ENTREP2: variants seen among roughly 807,000 people sequenced by gnomAD.
ENTREP2 encodes the protein endosomal transmembrane epsin interactor 2.
chr15:29,500,087 C>T, the ENTREP2 span, among the ~76,000 whole-genome samples: 1 of 151,962 alleles, frequency 6.6e-6, no homozygotes, highest in African/African-American at 2.4e-5. Flanking sequence ...CAACAGAGTC[C>T]TAAAAATACC....
At chr15:29,594,522 C>T in the ENTREP2 span, among the ~76,000 whole-genome samples, 1 of 152,098 alleles carries the variant, frequency 6.6e-6, no homozygotes, top group Non-Finnish European at 1.5e-5. Context: ...CTATAAGAAT[C>T]GATGTTTTCG....
chr15:29,471,270 C>T, the ENTREP2 span, among the ~76,000 whole-genome samples: 2 of 152,198 alleles, frequency 1.3e-5, no homozygotes, highest in South Asian at 4.1e-4. Flanking sequence ...AGAGTAAAAA[C>T]GTTTCCCAAC....
At chr15:29,650,872 A>T in the ENTREP2 span, among the ~76,000 whole-genome samples, 1 of 152,136 alleles carries the variant, frequency 6.6e-6, no homozygotes, top group Non-Finnish European at 1.5e-5. Context: ...ACAATACATT[A>T]GCCAGGGATG....
At chr15:29,521,733 G>A in the ENTREP2 span, among the ~76,000 whole-genome samples, 10 of 152,258 alleles carry the variant, frequency 6.6e-5, no homozygotes, top group African/African-American at 2.4e-4. Context: ...AGCACTGCAC[G>A]CACAGGGGAG....
At chr15:29,120,393 C>T in the ENTREP2 span, 1 of 152,304 alleles carries the variant, frequency 6.6e-6, no homozygotes, top group Non-Finnish European at 1.5e-5. Context: ...GCCTTAGCAG[C>T]CTCTGAGAGT....
the ENTREP2 span, among the ~76,000 whole-genome samples, chr15:29,344,924 G>A: frequency 3.8e-5 from 5 of 131,588 alleles, no homozygotes; most frequent in African/African-American, 1.4e-4. Context: ...AAACACGCAC[G>A]CGCGCAGACA....
the ENTREP2 span, among the ~76,000 whole-genome samples, chr15:29,245,570 T>C: frequency 1.3e-5 from 2 of 151,322 alleles, no homozygotes; most frequent in Admixed American, 6.6e-5. Context: ...TTGCAACCAA[T>C]ATAACAATAG....
the ENTREP2 span, among the ~76,000 whole-genome samples, chr15:29,401,149 C>T: frequency 1.3e-5 from 2 of 152,060 alleles, no homozygotes; most frequent in Non-Finnish European, 2.9e-5. Flanking sequence ...TACTGTCAAG[C>T]ACTGCATTTT....
chr15:29,184,619 G>C, the ENTREP2 span, among the ~76,000 whole-genome samples: 280 of 152,316 alleles, frequency 1.8e-3, no homozygotes, highest in African/African-American at 6.4e-3. Context: ...CTTCACTGCG[G>C]TTGGGGTGGT....
the ENTREP2 span, among the ~76,000 whole-genome samples, chr15:29,656,973 C>T: frequency 6.6e-6 from 1 of 152,192 alleles, no homozygotes; most frequent in Non-Finnish European, 1.5e-5. Context: ...GATTATGTGT[C>T]TGCAGTTGCT....
the ENTREP2 span, among the ~76,000 whole-genome samples, chr15:29,656,732 TC>T: frequency 1.3e-5 from 2 of 152,154 alleles, no homozygotes; most frequent in African/African-American, 4.8e-5. Flanking sequence ...ACAGACTCTC[TC>T]ATATCTTATC....
chr15:29,342,956 T>C, the ENTREP2 span, among the ~76,000 whole-genome samples: 1 of 151,638 alleles, frequency 6.6e-6, no homozygotes, highest in African/African-American at 2.4e-5. Flanking sequence ...TAAAAGTTTT[T>C]GCTTTGATAT....
chr15:29,252,341 T>C, the ENTREP2 span: 1 of 1,387,450 alleles, frequency 7.2e-7, no homozygotes, highest in Non-Finnish European at 1.0e-6. Context: ...ATGACCTTTA[T>C]GAAAGGGTTT....
the ENTREP2 span, among the ~76,000 whole-genome samples, chr15:29,369,025 C>T: frequency 6.6e-6 from 1 of 152,102 alleles, no homozygotes; most frequent in Non-Finnish European, 1.5e-5. Flanking sequence ...TTGAGGTTAT[C>T]CAGCCTGAGC....
At chr15:29,552,522 C>T in the ENTREP2 span, among the ~76,000 whole-genome samples, 2 of 151,894 alleles carry the variant, frequency 1.3e-5, no homozygotes, top group African/African-American at 4.8e-5. Flanking sequence ...TCACTTGAGC[C>T]CAGGAGTTCA....
At chr15:29,195,418 G>T in the ENTREP2 span, 1 of 625,336 alleles carries the variant, frequency 1.6e-6, no homozygotes, top group Non-Finnish European at 2.0e-6. Context: ...CCCATCCCCT[G>T]CATACTGCAT....
chr15:29,374,492 G>A, the ENTREP2 span: 1 of 151,818 alleles, frequency 6.6e-6, no homozygotes, highest in South Asian at 2.1e-4. Flanking sequence ...AGTTCCATCC[G>A]CCCTCCTTTA....
chr15:29,494,624 G>A, the ENTREP2 span, among the ~76,000 whole-genome samples: 1 of 152,148 alleles, frequency 6.6e-6, no homozygotes, highest in Non-Finnish European at 1.5e-5. Flanking sequence ...AACTCATCGT[G>A]TAACTGAAAG....
At chr15:29,531,128 C>T in the ENTREP2 span, among the ~76,000 whole-genome samples, 4 of 152,180 alleles carry the variant, frequency 2.6e-5, no homozygotes, top group Non-Finnish European at 5.9e-5. Flanking sequence ...TCTACCTTCC[C>T]CCCAGTTTTC....
Sources: gnomAD v4.1 joint callset for allele counts (sites outside exome capture counted in the v4.1 genomes callset) on GRCh38, gnomAD v4.1.1 for gene constraint, MANE v1.5 for transcripts, NCBI Gene and HGNC (gene_info 2026-07-23, HGNC 2026-07-21) for gene names.